Variants in EYA4 observed in about 807,000 individuals in gnomAD.
EYA4 encodes protein phosphatase EYA4.
A neutral mutation model predicts 87.9 loss-of-function variants in EYA4; 31 were observed. The ratio of observed to expected loss-of-function variants is 0.35; its 90% CI spans 0.27 to 0.48. The LOEUF (loss-of-function observed/expected upper bound fraction) is 0.48, where lower values mean the gene tolerates loss of function less well. Among genes scored for constraint, EYA4 ranks in the 20% least tolerant of loss-of-function variants. EYA4 has a pLI of 0.99. For synonymous variants in EYA4, 263 were observed against 270.6 expected, an observed-to-expected ratio of 0.97 and a Z score of 0.28; for missense variants, 678 against 761.4, an observed-to-expected ratio of 0.89 and a Z score of 1.29.
chr6:133,509,711 T>C (rs962267127), intron 14 of EYA4, among the ~76,000 whole-genome samples: 1 of 152,226 alleles, frequency 6.6e-6, no homozygotes, highest in Non-Finnish European at 1.5e-5. Flanking sequence ...TTATAACTGA[T>C]AAATATCAGT....
At chr6:133,453,769 T>C (rs1475513484) in intron 5 of EYA4, 1 of 152,138 alleles carries the variant, frequency 6.6e-6, no homozygotes, top group Non-Finnish European at 1.5e-5. Context: ...AATGTTAGCA[T>C]CCATTACTTT....
intron 11 of EYA4, among the ~76,000 whole-genome samples, chr6:133,469,697 G>A (rs1325414172): frequency 6.6e-6 from 1 of 151,874 alleles, no homozygotes; most frequent in African/African-American, 2.4e-5. Context: ...ACTCCAAATG[G>A]ATTGTAAGCC....
chr6:133,418,071 CAGCATACACCAT>C (rs1562397262), intron 3 of EYA4, among the ~76,000 whole-genome samples: 1 of 152,212 alleles, frequency 6.6e-6, no homozygotes, highest in Non-Finnish European at 1.5e-5. Flanking sequence ...CTCTGTTTGA[CAGCATACACCAT>C]AGTGTTTAGA....
intron 2 of EYA4, among the ~76,000 whole-genome samples, chr6:133,341,433 A>T (rs999314157): frequency 6.6e-6 from 1 of 152,224 alleles, no homozygotes; most frequent in African/African-American, 2.4e-5. Flanking sequence ...AACAAAACAG[A>T]TGAAAATAAT....
chr6:133,294,753 AT>A (rs1184591226), intron 2 of EYA4, among the ~76,000 whole-genome samples: 2 of 151,308 alleles, frequency 1.3e-5, no homozygotes, highest in Admixed American at 6.6e-5. Context: ...ATTTTATTTT[AT>A]TTTTTTAGTA....
chr6:133,366,151 G>A (rs1784835935), intron 2 of EYA4, among the ~76,000 whole-genome samples: 1 of 152,164 alleles, frequency 6.6e-6, no homozygotes, highest in Non-Finnish European at 1.5e-5. Flanking sequence ...GACATATTTT[G>A]AAGCCTGCAT....
chr6:133,513,558 A>T (rs1185051036), intron 16 of EYA4, among the ~76,000 whole-genome samples: 2 of 152,192 alleles, frequency 1.3e-5, no homozygotes, highest in Non-Finnish European at 2.9e-5. Context: ...TCTCATGCAT[A>T]GTGTCAACTA....
intron 11 of EYA4, among the ~76,000 whole-genome samples, chr6:133,476,539 A>G (rs891258301): frequency 6.6e-6 from 1 of 152,080 alleles, no homozygotes; most frequent in Non-Finnish European, 1.5e-5. Context: ...TTCACTTAAC[A>G]TAATGTTCTC....
chr6:133,413,271 A>C (rs1281170666), intron 3 of EYA4, among the ~76,000 whole-genome samples: 1 of 152,154 alleles, frequency 6.6e-6, no homozygotes. Context: ...TCTTGCCTTC[A>C]TAGTTCCACA....
chr6:133,396,116 T>C (rs1435433647), intron 3 of EYA4, among the ~76,000 whole-genome samples: 1 of 152,182 alleles, frequency 6.6e-6, no homozygotes, highest in African/African-American at 2.4e-5. Context: ...AAAAAGCTCT[T>C]TGAAAGGAAA....
chr6:133,525,132 C>G, intron 18 of EYA4, 22 bp from the exon 19 acceptor site: 1 of 1,613,584 alleles, frequency 6.2e-7, no homozygotes, highest in South Asian at 1.1e-5. Flanking sequence ...TCACTCTGAA[C>G]TTTATCTCAT....
chr6:133,310,367 A>T (rs1298005953), intron 2 of EYA4, among the ~76,000 whole-genome samples: 1 of 152,180 alleles, frequency 6.6e-6, no homozygotes, highest in Non-Finnish European at 1.5e-5. Context: ...TCTCCCACCA[A>T]TATGTTATTG....
At chr6:133,263,550 A>G (rs1250309907) in intron 1 of EYA4, among the ~76,000 whole-genome samples, 1 of 152,208 alleles carries the variant, frequency 6.6e-6, no homozygotes, top group Non-Finnish European at 1.5e-5. Flanking sequence ...CCTAAGGAAG[A>G]TGAATCATTA....
intron 19 of EYA4, 119 bp downstream of exon 19, chr6:133,525,373 A>G (rs1253080037): frequency 7.2e-6 from 6 of 838,904 alleles, no homozygotes; most frequent in Non-Finnish European, 1.2e-5. Context: ...ATGCAAAGCA[A>G]TAAGAGCATG....
intron 1 of EYA4, among the ~76,000 whole-genome samples, chr6:133,264,838 C>A (rs1206279985): frequency 6.6e-6 from 1 of 152,074 alleles, no homozygotes; most frequent in Non-Finnish European, 1.5e-5. Context: ...TTCTTTCTTT[C>A]TTTTCTCTAG....
chr6:133,292,244 T>G (rs1778547655), intron 2 of EYA4, among the ~76,000 whole-genome samples: 1 of 152,218 alleles, frequency 6.6e-6, no homozygotes, highest in African/African-American at 2.4e-5. Context: ...GAATCACTCA[T>G]GATAATTTCA....
intron 2 of EYA4, among the ~76,000 whole-genome samples, chr6:133,283,833 C>T (rs1249593417): frequency 6.6e-6 from 1 of 152,138 alleles, no homozygotes; most frequent in African/African-American, 2.4e-5. Context: ...TCCCACCTGC[C>T]CACCCTTCTC....
chr6:133,360,379 G>A (rs1363982840), intron 2 of EYA4, among the ~76,000 whole-genome samples: 1 of 152,118 alleles, frequency 6.6e-6, no homozygotes, highest in Non-Finnish European at 1.5e-5. Flanking sequence ...CTGTCATAAC[G>A]AGTGCTATAA....
chr6:133,338,219 A>G (rs898229237), intron 2 of EYA4, among the ~76,000 whole-genome samples: 2 of 152,170 alleles, frequency 1.3e-5, no homozygotes, highest in African/African-American at 2.4e-5. Context: ...TTTTAGAAAC[A>G]TTGAAAATTT....
Sources: gnomAD v4.1 joint callset for allele counts (sites outside exome capture counted in the v4.1 genomes callset) on GRCh38, gnomAD v4.1.1 for gene constraint, MANE v1.5 for transcripts, NCBI Gene and HGNC (gene_info 2026-07-23, HGNC 2026-07-21) for gene names.